APBA1: variants seen among roughly 807,000 people sequenced by gnomAD.
The protein encoded by APBA1 is amyloid-beta A4 precursor protein-binding family A member 1.
Under a neutral mutation model 86.6 loss-of-function variants are expected in APBA1, and 55 were observed. That is an observed-to-expected ratio of 0.64 (90% CI 0.51 to 0.80). APBA1 has a LOEUF of 0.80. Ranked by LOEUF, APBA1 falls within the 30% of genes least tolerant of loss-of-function variation. The probability of loss-of-function intolerance (pLI) is 0.00; values close to 1 mark genes in which losing one functional copy is unlikely to be tolerated. For synonymous variants in APBA1, 511 were observed against 493.9 expected (o/e 1.03, Z -0.46); for missense variants, 1,090 against 1,183.0 (o/e 0.92, Z 1.15).
intron 1 of APBA1, among the ~76,000 whole-genome samples, chr9:69,564,994 G>T (rs185742241): frequency 3.9e-5 from 6 of 152,158 alleles, no homozygotes; most frequent in African/African-American, 1.4e-4. Context: ...TGTGAATTTA[G>T]TGAAAAAGAG....
In APBA1 at chr9:69,459,840, C is replaced by T. The variant is rs147369874; in HGVS notation, c.1483-1652G>A. On this transcript the variant is annotated intron_variant, in intron 5 of 12. Transcript: ENST00000265381. ...ATGAATACATGCAAAGCTCTTCAAA[C>T]AGTGCCTCATACATTCTAAGCACTA... is the stretch of plus-strand genomic sequence containing the variant. Among the ~76,000 whole-genome samples, 242 of 152,352 alleles carry T rather than the reference C, an allele frequency of 1.6e-3. 2 individuals carry two copies. Among genetic ancestry groups the T allele is most frequent in the Middle Eastern group, 3.4e-3 (1 of 294 alleles).
intron 1 of APBA1, among the ~76,000 whole-genome samples, chr9:69,558,561 CATATAT>C (rs371494520): frequency 7.0e-6 from 1 of 142,810 alleles, no homozygotes. Flanking sequence ...CACACACACA[CATATAT>C]ATATATATAT....
At chr9:69,482,720 AC>A (rs1835535774) in intron 2 of APBA1, among the ~76,000 whole-genome samples, 3 of 151,892 alleles carry the variant, frequency 2.0e-5, no homozygotes. Context: ...CTTGGAACCA[AC>A]CCAAATGTCC....
intron 1 of APBA1, among the ~76,000 whole-genome samples, chr9:69,612,309 A>T (rs1420062593): frequency 6.6e-6 from 1 of 152,078 alleles, no homozygotes; most frequent in African/African-American, 2.4e-5. Context: ...TATAATTTTT[A>T]AAAATAAATT....
intron 5 of APBA1, chr9:69,461,972 T>C (rs1336170932): frequency 1.3e-5 from 2 of 152,194 alleles, no homozygotes; most frequent in African/African-American, 4.8e-5. Flanking sequence ...TGATAGACAT[T>C]TTACTTCTAC....
chr9:69,633,318 T>C (rs1433033749), intron 1 of APBA1, among the ~76,000 whole-genome samples: 2 of 152,106 alleles, frequency 1.3e-5, no homozygotes, highest in Non-Finnish European at 2.9e-5. Flanking sequence ...TCTTTCCTGC[T>C]GGAACCCAGA....
At chr9:69,437,108 TGCATCCCAG>T in intron 11 of APBA1, among the ~76,000 whole-genome samples, 1 of 152,044 alleles carries the variant, frequency 6.6e-6, no homozygotes, top group East Asian at 1.9e-4. Context: ...GAACCAGCCT[TGCATCCCAG>T]GGATGAAGCC....
intron 1 of APBA1, among the ~76,000 whole-genome samples, chr9:69,648,463 A>C (rs1020814924): frequency 2.0e-5 from 3 of 152,214 alleles, no homozygotes; most frequent in Non-Finnish European, 4.4e-5. Flanking sequence ...GTTATATATT[A>C]AAGACAAAAA....
intron 5 of APBA1, chr9:69,460,548 T>G (rs902058529): frequency 6.6e-6 from 1 of 152,068 alleles, no homozygotes; most frequent in Non-Finnish European, 1.5e-5. Context: ...TTACTTTGGA[T>G]CCCAAACCCT....
At chr9:69,465,458 A>T (rs1835262466) in intron 5 of APBA1, 1 of 152,232 alleles carries the variant, frequency 6.6e-6, no homozygotes, top group Non-Finnish European at 1.5e-5. Context: ...CCTGAGAAGC[A>T]GCTTGCTCTC....
At chr9:69,614,338 G>A (rs1822653481) in intron 1 of APBA1, among the ~76,000 whole-genome samples, 1 of 152,118 alleles carries the variant, frequency 6.6e-6, no homozygotes, top group Non-Finnish European at 1.5e-5. Context: ...ATCTTGTGGA[G>A]ATATTAAATG....
intron 5 of APBA1, among the ~76,000 whole-genome samples, chr9:69,466,154 G>C (rs1588300947): frequency 6.6e-6 from 1 of 152,136 alleles, no homozygotes; most frequent in South Asian, 2.1e-4. Flanking sequence ...CAAGTACAGA[G>C]AGGTGGTCAG....
At chr9:69,656,527 T>C (rs1379193830) in intron 1 of APBA1, among the ~76,000 whole-genome samples, 3 of 152,192 alleles carry the variant, frequency 2.0e-5, no homozygotes, top group Non-Finnish European at 4.4e-5. Context: ...TGCTCTATGG[T>C]GACAGAGGTC....
At chr9:69,567,704 T>C (rs866705224) in intron 1 of APBA1, among the ~76,000 whole-genome samples, 3 of 152,176 alleles carry the variant, frequency 2.0e-5, no homozygotes, top group Admixed American at 6.5e-5. Context: ...CACGCTCTCA[T>C]GTCAGTCTGA....
Position 69,471,575 on chromosome 9 carries a change from T to C in APBA1, c.1336+81A>G, listed in dbSNP as rs181019194. 134 of 1,163,388 alleles carry C rather than the reference T, an allele frequency of 1.2e-4. No individual in the cohort carries two copies. In the African/African-American group the frequency reaches 1.8e-3, roughly 15 times the overall value. 72.1% of individuals were successfully genotyped at this position (1,163,388 alleles called of 1,614,324 possible). A position where few individuals can be genotyped will look rare whatever the true frequency, so the allele number is the denominator to read the frequency against. On this transcript the variant is annotated intron_variant, in intron 4 of 12. Transcript: ENST00000265381. Reference sequence around the variant, plus strand: ...TGGCCTTTCTTCCCTTCCATTGTCTTATATCTCAGTGCTTCATATGCCCCA... The same window carrying C: ...TGGCCTTTCTTCCCTTCCATTGTCTCATATCTCAGTGCTTCATATGCCCCA...
At chr9:69,535,510 C>T (rs1588347247) in intron 1 of APBA1, among the ~76,000 whole-genome samples, 1 of 152,316 alleles carries the variant, frequency 6.6e-6, no homozygotes, top group Non-Finnish European at 1.5e-5. Context: ...TGGTAGGCCA[C>T]TCAATCTGAA....
At chr9:69,490,653 C>G (rs1429689465) in intron 2 of APBA1, among the ~76,000 whole-genome samples, 2 of 152,006 alleles carry the variant, frequency 1.3e-5, no homozygotes, top group African/African-American at 4.8e-5. Context: ...AAACTACCAT[C>G]AGAGTGAACA....
intron 1 of APBA1, among the ~76,000 whole-genome samples, chr9:69,526,177 TGAAGTC>T (rs1836339342): frequency 6.6e-6 from 1 of 151,966 alleles, no homozygotes; most frequent in Non-Finnish European, 1.5e-5. Flanking sequence ...GAATTTATGA[TGAAGTC>T]CTCAAAAGCA....
chr9:69,600,412 A>G (rs1410031144), intron 1 of APBA1, among the ~76,000 whole-genome samples: 2 of 152,180 alleles, frequency 1.3e-5, no homozygotes, highest in African/African-American at 4.8e-5. Flanking sequence ...TGTAAGCAGA[A>G]GCTCTTTATG....
Sources: allele counts gnomAD v4.1 joint callset (sites outside exome capture counted in the v4.1 genomes callset), GRCh38; gene constraint gnomAD v4.1.1; transcripts MANE v1.5; gene names NCBI Gene and HGNC (gene_info 2026-07-23, HGNC 2026-07-21).